TAF1: variants seen among roughly 807,000 people sequenced by gnomAD.
TAF1 encodes the protein TATA-box binding protein associated factor 1.
A neutral mutation model predicts 138.5 loss-of-function variants in TAF1; 2 were observed. The observed-to-expected ratio is 0.01, with a 90% confidence interval of 0.01 to 0.05. TAF1 has a LOEUF of 0.05. TAF1 is among the 10% of genes least tolerant of loss of function. TAF1 has a pLI of 1.00. For synonymous variants in TAF1, 437 were observed against 503.2 expected, an observed-to-expected ratio of 0.87 and a Z score of 1.76; for missense variants, 709 against 1,478.0, an observed-to-expected ratio of 0.48 and a Z score of 8.53.
In TAF1 at chrX:71,378,814, A is replaced by G. The variant is rs201541071; in HGVS notation, c.1153-10A>G. 1 of 1,206,656 alleles carries G rather than the reference A, an allele frequency of 8.3e-7. No homozygotes were observed. Among genetic ancestry groups the G allele is most frequent in the African/African-American group, 1.8e-5 (1 of 56,983 alleles). On this transcript the variant is annotated splice_polypyrimidine_tract_variant and intron_variant, in intron 7 of 37. Coordinates refer to ENST00000423759, the MANE Select transcript of TAF1 (RefSeq NM_004606.5). ...ATCAAGGATGTGTTTTTTCTTCCCT[A>G]CTTACACAGGAATTTAGGAAACTTG...
At position 71,379,084 on chromosome X, in the gene TAF1, C is replaced by A. The variant is rs990898569; in HGVS notation, c.1360+53C>A. 4 of 998,363 alleles carry A rather than the reference C, an allele frequency of 4.0e-6. No individual in the cohort carries two copies. The African/African-American group carries it at 6.3e-5, about 16-fold the overall frequency. 82.3% of individuals were successfully genotyped at this position (998,363 alleles called of 1,213,427 possible). ...CAGATACTGCCCTTAATCTTAGTCACCATAAGTGGGCTCAGCTGTGATTTT... is the reference window on the plus strand; with the variant it reads ...CAGATACTGCCCTTAATCTTAGTCAACATAAGTGGGCTCAGCTGTGATTTT... On this transcript the variant is annotated intron_variant, in intron 8 of 37. Transcript: ENST00000423759.
At chrX:71,496,665 C>G (rs1437600282) in intron 13 of TAF1, among the ~76,000 whole-genome samples, 1 of 110,102 alleles carries the variant, frequency 9.1e-6, no homozygotes, top group East Asian at 2.9e-4. Context: ...CTTTCTGTCT[C>G]TCTCTCTCTT....
intron 13 of TAF1, among the ~76,000 whole-genome samples, chrX:71,478,050 C>A (rs1356420518): frequency 9.0e-6 from 1 of 110,811 alleles, no homozygotes; most frequent in Non-Finnish European, 1.9e-5. Flanking sequence ...AGGTGATGGG[C>A]TGGCAGAAGA....
intron 25 of TAF1, among the ~76,000 whole-genome samples, chrX:71,402,269 G>A (rs770010528): frequency 2.7e-5 from 3 of 111,581 alleles, no homozygotes; most frequent in Non-Finnish European, 5.7e-5. Flanking sequence ...CACCACGCCC[G>A]GCTAATTTTT....
chrX:71,510,538 A>G (rs1324232073), intron 13 of TAF1, among the ~76,000 whole-genome samples: 1 of 112,017 alleles, frequency 8.9e-6, no homozygotes, highest in Non-Finnish European at 1.9e-5. Flanking sequence ...TGGTGCCGCT[A>G]TCAAGCAATG....
intron 32 of TAF1, among the ~76,000 whole-genome samples, chrX:71,425,826 C>T (rs948805415): frequency 6.3e-5 from 7 of 111,583 alleles, no homozygotes; most frequent in African/African-American, 2.3e-4. Context: ...CATGCGCTGG[C>T]ACTGATAGAT....
chrX:71,461,639 T>G (rs1434021952), intron 37 of TAF1, among the ~76,000 whole-genome samples: 1 of 112,016 alleles, frequency 8.9e-6, no homozygotes, highest in East Asian at 2.8e-4. Flanking sequence ...TTAATGTATC[T>G]ATGATACATC....
chrX:71,422,977 T>C, intron 29 of TAF1, 140 bp from the exon 30 acceptor site: 1 of 766,037 alleles, frequency 1.3e-6, no homozygotes, highest in Non-Finnish European at 1.9e-6. Flanking sequence ...CTCTTGACCT[T>C]GTGATCCGCC....
At chrX:71,456,485 T>C (rs1014975209) in intron 34 of TAF1, among the ~76,000 whole-genome samples, 1 of 110,361 alleles carries the variant, frequency 9.1e-6, no homozygotes, top group African/African-American at 3.3e-5. Context: ...AAGGTGTACA[T>C]GAGTGACTGT....
In TAF1 at chrX:71,377,648, T is replaced by A; in HGVS notation, c.760T>A (p.Ser254Thr). The change falls in exon 6 of 38, where the codon TCT becomes ACT. Residue 254 changes from serine (S) to threonine (T), a missense_variant. By Grantham distance (58) the Ser-to-Thr change is moderately conservative. Coordinates refer to ENST00000423759, the MANE Select transcript of TAF1 (RefSeq NM_004606.5). The part of the protein sequence containing the change: ...RLFGPGKNVP[S>T]VWRSARRKRK... ...TTTTGGACCAGGGAAGAATGTCCCA[T>A]CTGTTTGGCGGAGTGCTCGGAGAAA... 1 of 1,211,605 alleles carries A rather than the reference T, an allele frequency of 8.3e-7. No individual in the cohort carries two copies.
intron 32 of TAF1, among the ~76,000 whole-genome samples, chrX:71,435,821 T>A (rs1451644475): frequency 1.8e-5 from 2 of 110,967 alleles, no homozygotes; most frequent in Non-Finnish European, 3.8e-5. Flanking sequence ...TTTGGTATTA[T>A]AACTGTTCAA....
chrX:71,443,772 G>A (rs760287327), intron 32 of TAF1, among the ~76,000 whole-genome samples: 12 of 111,610 alleles, frequency 1.1e-4, no homozygotes, highest in Admixed American at 3.8e-4. Context: ...GGCTGAGCGC[G>A]ATCTCAGCTC....
Position 71,433,354 on chromosome X carries a change from T to A in TAF1, c.4753+9116T>A, listed in dbSNP as rs889738548. ...CGAGAGAATGATTGTGCCAGGTGCA[T>A]AAGTCTTTGTGAATGAGAATCAGTT... On this transcript the variant is annotated intron_variant, in intron 32 of 37. Coordinates refer to ENST00000423759, the MANE Select transcript of TAF1 (RefSeq NM_004606.5). Among the ~76,000 whole-genome samples the A allele has an allele frequency of 3.6e-5, 4 of 111,690 alleles. No homozygotes were observed. The Admixed American group carries it at 3.8e-4, about 11-fold the overall frequency.
intron 3 of TAF1, among the ~76,000 whole-genome samples, chrX:71,374,660 TG>T (rs1056248350): frequency 3.6e-5 from 4 of 109,822 alleles, no homozygotes; most frequent in African/African-American, 1.3e-4. Context: ...TTGTTTAGGC[TG>T]GTCTTGAAAT....
intron 28 of TAF1, among the ~76,000 whole-genome samples, chrX:71,420,859 C>T (rs1373585304): frequency 8.9e-6 from 1 of 112,455 alleles, no homozygotes. Context: ...CCAGGCCGTT[C>T]CCGTAGTCCC....
rs144846611 is a variant in TAF1, at chrX:71,384,909, T to C, written c.2122-36T>C. 789 of 1,019,843 alleles carry C rather than the reference T, an allele frequency of 7.7e-4. 7 individuals are homozygous for C. The East Asian group carries it at 0.02, about 26-fold the overall frequency. The allele number at this position is 1,019,843 out of a possible 1,213,427, so 84.0% of individuals were successfully genotyped here. A position where few individuals can be genotyped will look rare whatever the true frequency, so the allele number is the denominator to read the frequency against. On this transcript the variant is annotated intron_variant, in intron 13 of 37. Transcript: ENST00000423759. ...GTCATATTGTGTAGGATTATTGATA[T>C]ATTCTAAATAACTGGGTCTTCTGTG...
At position 71,377,194 on chromosome X, in the gene TAF1, A is replaced by ACATT; in HGVS notation, c.714+5_714+8dup. On this transcript the variant is annotated splice_donor_region_variant and intron_variant, in intron 5 of 37. Coordinates refer to ENST00000423759, the MANE Select transcript of TAF1 (RefSeq NM_004606.5). ...TTCCAGAATTTCGACCTGGAAAGGT[A>ACATT]CATTCTGTGGAGAATGCTCAGATTG... 8.3e-7 allele frequency: 1 copy of ACATT among 1,211,484 alleles called. No individual in the cohort carries two copies. Among genetic ancestry groups the ACATT allele is most frequent in the Non-Finnish European group, 1.1e-6 (1 of 895,366 alleles).
At chrX:71,440,401 TAGAC>T (rs1450845544) in intron 32 of TAF1, among the ~76,000 whole-genome samples, 2 of 111,505 alleles carry the variant, frequency 1.8e-5, no homozygotes, top group East Asian at 2.8e-4. Flanking sequence ...TGAGCAATCA[TAGAC>T]AGGGTTTTGG....
intron 21 of TAF1, 102 bp from the exon 22 acceptor site, chrX:71,393,965 G>A (rs2034709787): frequency 1.1e-6 from 1 of 884,513 alleles, no homozygotes; most frequent in Non-Finnish European, 1.5e-6. Flanking sequence ...TGTCTTAGTG[G>A]ATTTTGAGTA....
Sources: allele counts gnomAD v4.1 joint callset (sites outside exome capture counted in the v4.1 genomes callset), GRCh38; gene constraint gnomAD v4.1.1; transcripts MANE v1.5; gene names NCBI Gene and HGNC (gene_info 2026-07-23, HGNC 2026-07-21).